PRH1: variants seen among roughly 807,000 people sequenced by gnomAD.
PRH1 encodes salivary acidic proline-rich phosphoprotein 1/2.
In PRH1, 7 loss-of-function variants were observed where a neutral mutation model predicts 7.9. That is an observed-to-expected ratio of 0.89 (90% CI 0.50 to 1.67). PRH1 has a LOEUF of 1.67. Among genes scored for constraint, PRH1 ranks in the 40% most tolerant of loss-of-function variants. The pLI, the probability that PRH1 is intolerant of heterozygous loss-of-function variation, is 0.00. For missense variants in PRH1, 109 were observed against 223.6 expected (o/e 0.49, Z 3.27); for synonymous variants, 45 against 80.8 (o/e 0.56, Z 2.38).
chr12:11,052,128 T>G (rs28671533), upstream of PRH1, among the ~76,000 whole-genome samples: 27,307 of 150,558 alleles, frequency 0.18, 1 homozygote, highest in Non-Finnish European at 0.23. Flanking sequence ...TGCATATATC[T>G]TATCAATTAT....
intron 1 of PRH1, chr12:10,986,732 T>C: frequency 6.2e-7 from 1 of 1,612,936 alleles, no homozygotes; most frequent in South Asian, 1.1e-5. Context: ...TTTGGTCAGC[T>C]GAGGAGATCT....
chr12:10,913,744 T>C (rs1432663182), intron 2 of PRH1, among the ~76,000 whole-genome samples: 1 of 152,200 alleles, frequency 6.6e-6, no homozygotes, highest in African/African-American at 2.4e-5. Context: ...AAATGACATG[T>C]TGCTTCAGAG....
At chr12:11,078,989 C>A (rs1306359011) in intron 1 of PRH1, 1 of 144,410 alleles carries the variant, frequency 6.9e-6, no homozygotes, top group Non-Finnish European at 1.5e-5. Flanking sequence ...AAATGAGTTT[C>A]CAGGAGGTCA....
chr12:10,930,919 C>T, intron 2 of PRH1: 1 of 1,608,432 alleles, frequency 6.2e-7, no homozygotes, highest in Non-Finnish European at 8.5e-7. Context: ...CCATCCCCGT[C>T]CTCCTCGAGG....
intron 1 of PRH1, among the ~76,000 whole-genome samples, chr12:11,003,483 C>T (rs1940686811): frequency 6.6e-6 from 1 of 151,896 alleles, no homozygotes; most frequent in South Asian, 2.1e-4. Flanking sequence ...TTTGTTTCCT[C>T]CCTCCCAAGT....
chr12:11,077,439 T>G (rs1944328975), intron 1 of PRH1: 2 of 711,490 alleles, frequency 2.8e-6, no homozygotes, highest in South Asian at 3.9e-5. Context: ...GATACATGAT[T>G]CCAAGAGTTT....
intron 2 of PRH1, among the ~76,000 whole-genome samples, chr12:10,896,564 C>T (rs971328754): frequency 3.9e-5 from 6 of 152,158 alleles, no homozygotes; most frequent in African/African-American, 1.4e-4. Flanking sequence ...GAGTTCGAGA[C>T]CAGCCTGGCC....
intron 1 of PRH1, chr12:10,996,799 T>C (rs1940266885): frequency 1.1e-5 from 6 of 539,254 alleles, no homozygotes; most frequent in Non-Finnish European, 1.5e-5. Context: ...TTTTATATAA[T>C]AAACTTAGGT....
chr12:11,148,446 T>C (rs1367422895), intron 1 of PRH1, among the ~76,000 whole-genome samples: 7 of 143,594 alleles, frequency 4.9e-5, no homozygotes, highest in Non-Finnish European at 7.7e-5. Context: ...GCTCTTATTA[T>C]TTTGAGATAC....
intron 2 of PRH1, among the ~76,000 whole-genome samples, chr12:10,941,976 G>C (rs1205547025): frequency 6.6e-6 from 1 of 152,278 alleles, no homozygotes; most frequent in East Asian, 1.9e-4. Context: ...CTGAGCTGTA[G>C]TAATTGTTAT....
chr12:10,955,452 G>A (rs895516920), intron 2 of PRH1, among the ~76,000 whole-genome samples: 11 of 151,958 alleles, frequency 7.2e-5, no homozygotes, highest in Non-Finnish European at 1.3e-4. Context: ...AGGAAAGTTC[G>A]TAGCAATAAA....
chr12:10,963,009 A>G (rs188838736), intron 2 of PRH1, among the ~76,000 whole-genome samples: 1 of 152,326 alleles, frequency 6.6e-6, no homozygotes, highest in East Asian at 1.9e-4. Flanking sequence ...TGACCTCGTG[A>G]TCCGCCCACC....
chr12:11,053,260 C>T (rs1254786296), intron 1 of PRH1, among the ~76,000 whole-genome samples: 1 of 152,108 alleles, frequency 6.6e-6, no homozygotes, highest in Non-Finnish European at 1.5e-5. Context: ...TGAAAAGGTG[C>T]TCTGTGCCTT....
intron 1 of PRH1, among the ~76,000 whole-genome samples, chr12:10,981,012 A>C (rs760008388): frequency 6.6e-6 from 1 of 152,186 alleles, no homozygotes; most frequent in Non-Finnish European, 1.5e-5. Context: ...CAAGAGGGGG[A>C]AAGAGTTGAA....
rs1343934520 is a variant in PRH1 at position 11,160,557 on chromosome 12, G to A, written n.39+10865C>T. Among the ~76,000 whole-genome samples, 5 of 152,178 alleles carry A rather than the reference G, an allele frequency of 3.3e-5. No homozygotes were observed. In the East Asian group the frequency reaches 5.8e-4, roughly 18 times the overall value. On this transcript the variant is annotated intron_variant and non_coding_transcript_variant, in intron 1 of 1. Coordinates refer to the PRH1 transcript ENST00000541175. ...ACAATCTCAGCTCACTGCAACCTCC[G>A]CCTCCCAGGTTCAAGCGATCCTTCT... is the stretch of plus-strand genomic sequence containing the variant.
Position 10,938,688 on chromosome 12 carries a change from G to A in PRH1, c.-59+34967C>T, listed in dbSNP as rs34789740. The stretch of plus-strand genomic sequence containing the variant: ...GTTAATACAATAAGACTGGAAAATC[G>A]TGTAAAGTTACTTGAATCAGAACTG... On this transcript the variant is annotated intron_variant, in intron 2 of 3. Coordinates refer to the PRH1 transcript ENST00000539853. The A allele has an allele frequency of 2.1e-4, 342 of 1,613,938 alleles. No homozygotes were observed. In the African/African-American group the frequency reaches 2.9e-3, roughly 14 times the overall value.
At chr12:10,908,339 A>G (rs756316830) in intron 2 of PRH1, 2 of 1,523,844 alleles carry the variant, frequency 1.3e-6, no homozygotes, top group African/African-American at 1.4e-5. Context: ...TTCTGTCTGC[A>G]ATATTCAATA....
At chr12:10,929,404 G>A in intron 2 of PRH1, 15 of 1,588,250 alleles carry the variant, frequency 9.4e-6, no homozygotes, top group Non-Finnish European at 1.3e-5. Context: ...TATAGAGGGG[G>A]AAAGTGGAGG....
At chr12:11,001,866 T>G (rs1940611379) in intron 1 of PRH1, among the ~76,000 whole-genome samples, 1 of 152,150 alleles carries the variant, frequency 6.6e-6, no homozygotes, top group East Asian at 1.9e-4. Context: ...TATTAATTCT[T>G]TGTCAATAAA....
Sources: allele counts gnomAD v4.1 joint callset (sites outside exome capture counted in the v4.1 genomes callset), GRCh38; gene constraint gnomAD v4.1.1; transcripts MANE v1.5; gene names NCBI Gene and HGNC (gene_info 2026-07-23, HGNC 2026-07-21).